Variants in IQSEC2 observed in about 807,000 individuals in gnomAD.
IQSEC2 encodes the protein IQ motif and Sec7 domain ArfGEF 2.
IQSEC2 carries 6 observed loss-of-function variants against 74.6 expected under a neutral mutation model. The ratio of observed to expected loss-of-function variants is 0.08; its 90% CI spans 0.04 to 0.16. The LOEUF (loss-of-function observed/expected upper bound fraction) is 0.16. Ranked by LOEUF, IQSEC2 falls within the 10% of genes least tolerant of loss-of-function variation. IQSEC2 has a pLI of 1.00. For missense variants in IQSEC2, 734 were observed against 1,306.2 expected, an observed-to-expected ratio of 0.56 and a Z score of 6.75; for synonymous variants, 494 against 544.5, an observed-to-expected ratio of 0.91 and a Z score of 1.29.
chrX:53,244,855 T>C (rs1180261845), intron 8 of IQSEC2, among the ~76,000 whole-genome samples: 1 of 111,786 alleles, frequency 8.9e-6, no homozygotes, highest in African/African-American at 3.2e-5. Context: ...TCTAATTTTC[T>C]GAATCTTCCA....
Position 53,250,381 on chromosome X carries a change from T to A in IQSEC2, c.2195A>T (p.Gln732Leu). 2 of 1,212,080 alleles carry A rather than the reference T, an allele frequency of 1.7e-6. No individual in the cohort carries two copies. The highest frequency in any genetic ancestry group is 2.2e-6 in the Non-Finnish European group (2 of 895,428). ...REPPATGLCK[Q>L]TYQRETRHSW... ...ATGCCTTGTCTCCCGCTGGTAAGTC[T>A]GCTTGCACAGGCCGGTAGCCGGAGG... The change falls in exon 5 of 15, where the codon CAG (glutamine) becomes CTG (leucine). Residue 732 changes from glutamine to leucine, a missense_variant. Transcript: ENST00000642864.
intron 2 of IQSEC2, among the ~76,000 whole-genome samples, chrX:53,262,776 G>A (rs1178373484): frequency 8.9e-6 from 1 of 112,965 alleles, no homozygotes; most frequent in African/African-American, 3.2e-5. Flanking sequence ...CTGCATACAC[G>A]GGCTTTGGGA....
intron 2 of IQSEC2, among the ~76,000 whole-genome samples, chrX:53,280,617 C>G (rs2074940235): frequency 2.7e-5 from 3 of 110,196 alleles, no homozygotes; most frequent in African/African-American, 6.6e-5. Flanking sequence ...CTTTACCCCC[C>G]ACCCCAAGGC....
intron 1 of IQSEC2, among the ~76,000 whole-genome samples, chrX:53,310,723 C>T (rs2075313086): frequency 9.0e-6 from 1 of 111,405 alleles, no homozygotes; most frequent in Non-Finnish European, 1.9e-5. Flanking sequence ...AGGCCAGAAA[C>T]TGCCTCTGAG....
At chrX:53,300,363 C>A (rs2075199626) in intron 1 of IQSEC2, among the ~76,000 whole-genome samples, 1 of 111,540 alleles carries the variant, frequency 9.0e-6, no homozygotes, top group African/African-American at 3.3e-5. Flanking sequence ...ATTTAGGCAC[C>A]ACCTCCTCCA....
chrX:53,234,188 T>A lies in IQSEC2; in HGVS notation c.*31A>T. On this transcript the variant is annotated 3_prime_UTR_variant, in exon 15 of 15. Coordinates refer to ENST00000642864, the MANE Select transcript of IQSEC2 (RefSeq NM_001111125.3). The stretch of plus-strand genomic sequence containing the variant: ...TCCCTCTCCTGTGGCTCCCCAGACT[T>A]TCCTGTTCCCCAGCTCACTCTCTCC... The A allele has an allele frequency of 1.4e-6, 1 of 733,979 alleles. No individual in the cohort carries two copies. Among genetic ancestry groups the A allele is most frequent in the South Asian group, 3.8e-5 (1 of 26,291 alleles). The allele number at this position is 733,979 out of a possible 1,213,427, so 60.5% of individuals were successfully genotyped here.
chrX:53,289,453 G>C (rs1556872550), intron 2 of IQSEC2, among the ~76,000 whole-genome samples: 1 of 110,696 alleles, frequency 9.0e-6, no homozygotes, highest in Admixed American at 9.6e-5. Context: ...ATGGCTCCCT[G>C]TCTCTAAACC....
In IQSEC2 at chrX:53,307,263, T is replaced by C. The variant is rs782695550; in HGVS notation, c.707+13154A>G. Among the ~76,000 whole-genome samples the C allele has an allele frequency of 2.9e-5, 3 of 105,059 alleles. No homozygotes were observed. The East Asian group carries it at 9.1e-4, about 32-fold the overall frequency. 91.2% of individuals were successfully genotyped at this position (105,059 alleles called of 115,157 possible). A position where few individuals can be genotyped will look rare whatever the true frequency, so the allele number is the denominator to read the frequency against. ...AGCTCACCACTCAGTCAGACTTTCT[T>C]TTTTTTTCTTTTTCTTTTTCTTTCT... On this transcript the variant is annotated intron_variant, in intron 1 of 14. Transcript: ENST00000642864.
At chrX:53,238,353 G>T in intron 11 of IQSEC2, 47 bp from the exon 12 acceptor site, 1 of 1,127,796 alleles carries the variant, frequency 8.9e-7, no homozygotes, top group Non-Finnish European at 1.2e-6. Context: ...ACTGGTGCAA[G>T]GTGGCTCATA....
chrX:53,264,577 C>G (rs781970622), intron 2 of IQSEC2, among the ~76,000 whole-genome samples: 19 of 109,344 alleles, frequency 1.7e-4, no homozygotes, highest in Admixed American at 5.8e-4. Flanking sequence ...AATGTACCCA[C>G]CATTCCCCTG....
At chrX:53,238,103 T>G (rs1556860106) in intron 12 of IQSEC2, 42 bp downstream of exon 12, 2 of 1,166,337 alleles carry the variant, frequency 1.7e-6, no homozygotes, top group Non-Finnish European at 2.3e-6. Flanking sequence ...TGCAGGGTAC[T>G]GTTTCAGGAG....
At chrX:53,274,469 TTTTTTTTTTTG>T in intron 2 of IQSEC2, among the ~76,000 whole-genome samples, 1 of 78,585 alleles carries the variant, frequency 1.3e-5, no homozygotes. Context: ...TTTTTTTTTT[TTTTTTTTTTTG>T]AGACGGAGTC....
chrX:53,236,527 G>A (rs1556859765), intron 12 of IQSEC2, 32 bp from the exon 13 acceptor site: 2 of 1,174,046 alleles, frequency 1.7e-6, no homozygotes, highest in Admixed American at 2.4e-5. Flanking sequence ...AGGGAGCAAA[G>A]GTCAGGAACA....
intron 2 of IQSEC2, among the ~76,000 whole-genome samples, chrX:53,282,630 T>C (rs958102325): frequency 2.7e-5 from 3 of 111,964 alleles, no homozygotes; most frequent in Non-Finnish European, 5.7e-5. Context: ...GGGCAGCTGG[T>C]TCCTCTCAAG....
chrX:53,289,921 G>A (rs2048485239), intron 2 of IQSEC2, among the ~76,000 whole-genome samples: 1 of 112,203 alleles, frequency 8.9e-6, no homozygotes, highest in African/African-American at 3.2e-5. Flanking sequence ...GCCTATTAGG[G>A]CTGTTGTGAG....
intron 2 of IQSEC2, among the ~76,000 whole-genome samples, chrX:53,273,768 A>C (rs188975811): frequency 1.6e-4 from 18 of 112,258 alleles, no homozygotes; most frequent in African/African-American, 5.8e-4. Flanking sequence ...GTATATACAG[A>C]GCTACCTTTT....
At position 53,246,425 on chromosome X, in the gene IQSEC2, C is replaced by T. The variant is rs113836667; in HGVS notation, c.2749+544G>A. On this transcript the variant is annotated intron_variant, in intron 8 of 14. Transcript: ENST00000642864. ...TTATCTGGGTGCTACAAGTCAGCCT[C>T]TCCCACACACAGGGAGCTCTCTCAG... is the stretch of plus-strand genomic sequence containing the variant. Among the ~76,000 whole-genome samples, 731 of 111,896 alleles carry T rather than the reference C, an allele frequency of 6.5e-3. 3 individuals carry two copies. The highest frequency in any genetic ancestry group is 0.023 in the African/African-American group (700 of 30,783).
intron 1 of IQSEC2, among the ~76,000 whole-genome samples, chrX:53,313,097 G>T (rs1406163409): frequency 2.7e-5 from 3 of 112,049 alleles, no homozygotes; most frequent in Non-Finnish European, 5.6e-5. Context: ...CGATGCATCG[G>T]TCTTTGCATT....
At chrX:53,275,869 T>C (rs1556869452) in intron 2 of IQSEC2, among the ~76,000 whole-genome samples, 2 of 108,077 alleles carry the variant, frequency 1.9e-5, no homozygotes, top group African/African-American at 6.8e-5. Context: ...ATTTTTTTTT[T>C]TTTTTGTATT....
Sources: allele counts gnomAD v4.1 joint callset (sites outside exome capture counted in the v4.1 genomes callset), GRCh38; gene constraint gnomAD v4.1.1; transcripts MANE v1.5; gene names NCBI Gene and HGNC (gene_info 2026-07-23, HGNC 2026-07-21).